Variants in PCNX1 observed in about 807,000 individuals in gnomAD.
PCNX1 encodes pecanex-like protein 1.
A neutral mutation model predicts 242.2 loss-of-function variants in PCNX1; 78 were observed. That is an observed-to-expected ratio of 0.32 (90% CI 0.27 to 0.39). The LOEUF (loss-of-function observed/expected upper bound fraction) is 0.39, where lower values mean the gene tolerates loss of function less well. PCNX1 is among the 10% of genes least tolerant of loss of function. PCNX1 has a pLI of 1.00. For missense variants in PCNX1, 2,581 were observed against 2,856.5 expected (o/e 0.90, Z 2.20); for synonymous variants, 1,024 against 1,032.9 (o/e 0.99, Z 0.17).
intron 1 of PCNX1, among the ~76,000 whole-genome samples, chr14:70,919,944 C>G (rs763981052): frequency 6.6e-6 from 1 of 151,882 alleles, no homozygotes; most frequent in Non-Finnish European, 1.5e-5. Flanking sequence ...GAGCTTTGAA[C>G]GAGCCAAATA....
At chr14:71,096,965 C>T (rs2062303565) in intron 30 of PCNX1, among the ~76,000 whole-genome samples, 2 of 152,234 alleles carry the variant, frequency 1.3e-5, no homozygotes, top group South Asian at 4.1e-4. Flanking sequence ...TACTTCTCAC[C>T]CCATACAGAG....
intron 26 of PCNX1, among the ~76,000 whole-genome samples, chr14:71,064,952 CT>C (rs2061412746): frequency 1.3e-5 from 2 of 152,102 alleles, no homozygotes; most frequent in African/African-American, 4.8e-5. Context: ...TGAACTCATC[CT>C]TTTTTATGGA....
intron 26 of PCNX1, among the ~76,000 whole-genome samples, chr14:71,061,603 T>A (rs1036302809): frequency 1.3e-5 from 2 of 152,158 alleles, no homozygotes; most frequent in Non-Finnish European, 2.9e-5. Flanking sequence ...CTGATGCAAT[T>A]CTGGAAGGAT....
chr14:70,999,513 A>G (rs1301136364), intron 8 of PCNX1, among the ~76,000 whole-genome samples: 1 of 152,206 alleles, frequency 6.6e-6, no homozygotes, highest in African/African-American at 2.4e-5. Context: ...TGTATATATC[A>G]TGAGTAGTAT....
intron 1 of PCNX1, among the ~76,000 whole-genome samples, chr14:70,942,100 C>A (rs1020647601): frequency 2.0e-5 from 3 of 152,106 alleles, no homozygotes; most frequent in Non-Finnish European, 4.4e-5. Flanking sequence ...ATGCCCAGTC[C>A]TGCTTTGGCT....
chr14:70,907,750 G>T lies in PCNX1; in HGVS notation c.-101G>T. The T allele has an allele frequency of 8.5e-7, 1 of 1,170,792 alleles. No homozygotes were observed. Among genetic ancestry groups the T allele is most frequent in the Non-Finnish European group, 1.1e-6 (1 of 947,868 alleles). The allele number at this position is 1,170,792 out of a possible 1,614,324, so 72.5% of individuals were successfully genotyped here. The stretch of plus-strand genomic sequence containing the variant: ...TCGCTCACCCGGAGCTCCGGAGGTG[G>T]ATAGACGGGGCAGCTGCAGGCTCCG... On this transcript the variant is annotated 5_prime_UTR_variant, in exon 1 of 36. Transcript: ENST00000304743.
intron 26 of PCNX1, among the ~76,000 whole-genome samples, chr14:71,072,933 A>T (rs2061620118): frequency 6.6e-6 from 1 of 152,218 alleles, no homozygotes; most frequent in African/African-American, 2.4e-5. Flanking sequence ...TTCATTTGAT[A>T]CAAACACAAT....
chr14:70,935,163 T>G (rs2056951399), intron 1 of PCNX1, among the ~76,000 whole-genome samples: 1 of 152,194 alleles, frequency 6.6e-6, no homozygotes, highest in African/African-American at 2.4e-5. Context: ...AAAATACAAG[T>G]ATCGTTCATC....
intron 16 of PCNX1, among the ~76,000 whole-genome samples, chr14:71,032,837 T>C (rs1490385376): frequency 1.3e-5 from 2 of 152,184 alleles, no homozygotes; most frequent in Non-Finnish European, 2.9e-5. Flanking sequence ...TGACCACGTG[T>C]GGTTGGCTTT....
At chr14:71,104,841 C>G (rs1189209265) in intron 32 of PCNX1, among the ~76,000 whole-genome samples, 1 of 152,066 alleles carries the variant, frequency 6.6e-6, no homozygotes, top group African/African-American at 2.4e-5. Flanking sequence ...GCAGGAAAAT[C>G]GTTTGAACTT....
chr14:70,959,127 A>AT (rs2058105696), intron 2 of PCNX1, among the ~76,000 whole-genome samples: 1 of 151,348 alleles, frequency 6.6e-6, no homozygotes, highest in Non-Finnish European at 1.5e-5. Context: ...ACTTATTCTA[A>AT]GAGTTGTCTT....
At chr14:70,956,657 G>T (rs190240365) in intron 2 of PCNX1, among the ~76,000 whole-genome samples, 2 of 152,174 alleles carry the variant, frequency 1.3e-5, no homozygotes, top group African/African-American at 4.8e-5. Flanking sequence ...GGCCATGCTG[G>T]TTATGAGTAC....
intron 18 of PCNX1, 64 bp from the exon 19 acceptor site, chr14:71,036,001 A>C (rs2060520804): frequency 9.0e-7 from 1 of 1,114,090 alleles, no homozygotes; most frequent in Non-Finnish European, 1.3e-6. Context: ...CCAATTGGGA[A>C]TAAAGGAAAA....
At chr14:71,010,945 A>G (rs530254386) in intron 9 of PCNX1, among the ~76,000 whole-genome samples, 1 of 152,244 alleles carries the variant, frequency 6.6e-6, no homozygotes, top group East Asian at 1.9e-4. Flanking sequence ...ATTAAATTGT[A>G]CTGTTACCCT....
chr14:71,056,143 G>A (rs984347288), intron 25 of PCNX1, among the ~76,000 whole-genome samples: 5 of 152,136 alleles, frequency 3.3e-5, no homozygotes, highest in African/African-American at 4.8e-5. Context: ...TCAGAGATTA[G>A]CATATCATCC....
At chr14:71,020,664 G>A (rs933168048) in intron 12 of PCNX1, among the ~76,000 whole-genome samples, 3 of 150,940 alleles carry the variant, frequency 2.0e-5, no homozygotes, top group African/African-American at 7.3e-5. Context: ...TGTAGATTCT[G>A]GATGTCAGAT....
chr14:71,065,696 T>C (rs1030539062), intron 26 of PCNX1, among the ~76,000 whole-genome samples: 1 of 152,212 alleles, frequency 6.6e-6, no homozygotes, highest in Non-Finnish European at 1.5e-5. Flanking sequence ...CCCATGCCTA[T>C]GTCCTGAATG....
intron 2 of PCNX1, among the ~76,000 whole-genome samples, chr14:70,950,257 G>T (rs988937141): frequency 5.3e-5 from 8 of 151,974 alleles, no homozygotes; most frequent in African/African-American, 1.9e-4. Flanking sequence ...TGACCTTATT[G>T]TTCTTATAAA....
At position 71,031,688 on chromosome 14, in the gene PCNX1, T is replaced by C. The variant is rs1595308303; in HGVS notation, c.3559-1741T>C. On this transcript the variant is annotated intron_variant, in intron 16 of 35. Coordinates refer to ENST00000304743, the MANE Select transcript of PCNX1 (RefSeq NM_014982.3). ...AGTAGGTCCTGCTCACGTCTGTACATGAGCCCCAGAGCTAAGTGGCCTTTG... is the reference window on the plus strand; with the variant it reads ...AGTAGGTCCTGCTCACGTCTGTACACGAGCCCCAGAGCTAAGTGGCCTTTG... 1.0e-5 allele frequency: 8 copies of C among 781,766 alleles called. No individual in the cohort carries two copies. The East Asian group carries it at 2.1e-4, about 20-fold the overall frequency. The allele number at this position is 781,766 out of a possible 1,614,324, so 48.4% of individuals were successfully genotyped here.
Sources: allele counts gnomAD v4.1 joint callset (sites outside exome capture counted in the v4.1 genomes callset), GRCh38; gene constraint gnomAD v4.1.1; transcripts MANE v1.5; gene names NCBI Gene and HGNC (gene_info 2026-07-23, HGNC 2026-07-21).